SEMA3E: variants seen among roughly 807,000 people sequenced by gnomAD.
The protein encoded by SEMA3E is semaphorin 3E, also known as semaphorin-3E.
A neutral mutation model predicts 93.6 loss-of-function variants in SEMA3E; 49 were observed. That is an observed-to-expected ratio of 0.52 (90% CI 0.42 to 0.66). The LOEUF (loss-of-function observed/expected upper bound fraction) is 0.66. SEMA3E is among the 30% of genes least tolerant of loss of function. The pLI is 0.00. For missense variants in SEMA3E, 906 were observed against 964.8 expected (o/e 0.94, Z 0.81); for synonymous variants, 363 against 330.7 (o/e 1.10, Z -1.06).
In SEMA3E at chr7:83,483,986, G is replaced by C. The variant is rs376782054; in HGVS notation, c.276+6128C>G. On this transcript the variant is annotated intron_variant, in intron 2 of 16. Transcript: ENST00000643230. ...TTGGACTCATACATCACATGGCTCT[G>C]TACCACCCCCAATCTGACCCCACCT... Among the ~76,000 whole-genome samples the C allele has an allele frequency of 1.3e-4, 20 of 152,236 alleles. No homozygotes were observed. The South Asian group carries it at 4.1e-3, about 32-fold the overall frequency.
intron 1 of SEMA3E, among the ~76,000 whole-genome samples, chr7:83,607,988 G>A (rs531525137): frequency 9.9e-5 from 15 of 152,064 alleles, no homozygotes; most frequent in African/African-American, 2.9e-4. Flanking sequence ...AAGCCAAGGC[G>A]GGCAGATCAC....
chr7:83,390,554 G>A (rs1787998527), intron 14 of SEMA3E, among the ~76,000 whole-genome samples: 1 of 152,116 alleles, frequency 6.6e-6, no homozygotes, highest in Non-Finnish European at 1.5e-5. Flanking sequence ...GAGCAGAAAA[G>A]TATTTATTTT....
At chr7:83,399,102 T>G (rs1788185155) in intron 11 of SEMA3E, among the ~76,000 whole-genome samples, 2 of 152,326 alleles carry the variant, frequency 1.3e-5, no homozygotes, top group Middle Eastern at 3.4e-3. Context: ...TTGAGAATTA[T>G]ATATCTATAA....
At chr7:83,407,273 T>C (rs1788348640) in intron 6 of SEMA3E, 34 bp from the exon 7 acceptor site, 5 of 1,567,526 alleles carry the variant, frequency 3.2e-6, no homozygotes, top group Non-Finnish European at 4.4e-6. Context: ...AAAAGTGAAA[T>C]AGATATTACA....
chr7:83,615,792 G>A (rs1045395778), intron 1 of SEMA3E, among the ~76,000 whole-genome samples: 1 of 152,038 alleles, frequency 6.6e-6, no homozygotes, highest in Admixed American at 6.6e-5. Context: ...AGAAGCGTGG[G>A]GGAGTTACCT....
chr7:83,484,706 T>G (rs2115955826), intron 2 of SEMA3E, among the ~76,000 whole-genome samples: 1 of 152,342 alleles, frequency 6.6e-6, no homozygotes, highest in South Asian at 2.1e-4. Context: ...ATTTTCTTTA[T>G]AACATGTATC....
At chr7:83,447,695 C>T (rs1045718942) in intron 4 of SEMA3E, among the ~76,000 whole-genome samples, 5 of 152,172 alleles carry the variant, frequency 3.3e-5, no homozygotes, top group African/African-American at 9.7e-5. Flanking sequence ...ACATTGGAGG[C>T]ATATCTCTCC....
At position 83,364,303 on chromosome 7, in the gene SEMA3E, T is replaced by C. The variant is rs1794634478; in HGVS notation, c.*3283A>G. 1 of 152,204 alleles carries C rather than the reference T, an allele frequency of 6.6e-6. No homozygotes were observed. Among genetic ancestry groups the C allele is most frequent in the Non-Finnish European group, 1.5e-5 (1 of 68,034 alleles). 9.4% of individuals were successfully genotyped at this position (152,204 alleles called of 1,614,324 possible). On this transcript the variant is annotated 3_prime_UTR_variant, in exon 17 of 17. Transcript: ENST00000643230. Reference sequence around the variant, plus strand: ...ATTTTACAAATGTTTATAATTACTATGAAGATTTACAAAACCCTAAAACCT... The same window carrying C: ...ATTTTACAAATGTTTATAATTACTACGAAGATTTACAAAACCCTAAAACCT...
intron 4 of SEMA3E, among the ~76,000 whole-genome samples, chr7:83,437,996 G>A (rs551862548): frequency 9.2e-5 from 14 of 152,286 alleles, no homozygotes; most frequent in African/African-American, 3.1e-4. Context: ...TTGGCAATAT[G>A]TGCTAGAAAT....
chr7:83,469,484 G>A (rs981570945), intron 2 of SEMA3E, among the ~76,000 whole-genome samples, 182 bp from the exon 3 acceptor site: 6 of 149,374 alleles, frequency 4.0e-5, no homozygotes, highest in South Asian at 2.1e-4. Context: ...GAAACGTATC[G>A]CTGGGCTTTT....
At chr7:83,374,826 G>A (rs1794799076) in intron 16 of SEMA3E, among the ~76,000 whole-genome samples, 1 of 151,918 alleles carries the variant, frequency 6.6e-6, no homozygotes, top group African/African-American at 2.4e-5. Context: ...AGAAAAAGGA[G>A]GTCCAGGAAA....
chr7:83,546,527 G>A (rs1040048818), intron 1 of SEMA3E, among the ~76,000 whole-genome samples: 4 of 151,722 alleles, frequency 2.6e-5, no homozygotes, highest in Non-Finnish European at 4.4e-5. Context: ...CATTTCCTAC[G>A]TTAACAATTT....
chr7:83,442,475 T>G (rs1789134769), intron 4 of SEMA3E, among the ~76,000 whole-genome samples: 1 of 152,182 alleles, frequency 6.6e-6, no homozygotes, highest in Non-Finnish European at 1.5e-5. Flanking sequence ...TCTCACATAT[T>G]TAGCCAATGT....
At chr7:83,551,306 C>G (rs1339428606) in intron 1 of SEMA3E, among the ~76,000 whole-genome samples, 2 of 152,104 alleles carry the variant, frequency 1.3e-5, no homozygotes, top group African/African-American at 4.8e-5. Context: ...GGAAAAATAA[C>G]AAAATATAGC....
intron 1 of SEMA3E, among the ~76,000 whole-genome samples, chr7:83,625,298 T>G (rs1297225387): frequency 6.6e-6 from 1 of 152,224 alleles, no homozygotes; most frequent in Non-Finnish European, 1.5e-5. Context: ...GCATTGAATC[T>G]ACAAATTAAT....
intron 1 of SEMA3E, among the ~76,000 whole-genome samples, chr7:83,606,837 C>A (rs1378319708): frequency 6.6e-6 from 1 of 151,386 alleles, no homozygotes; most frequent in Non-Finnish European, 1.5e-5. Flanking sequence ...TTTCTACTTG[C>A]ATATTATATT....
chr7:83,599,058 G>A (rs1023919615), intron 1 of SEMA3E, among the ~76,000 whole-genome samples: 2 of 152,024 alleles, frequency 1.3e-5, no homozygotes, highest in Middle Eastern at 3.2e-3. Flanking sequence ...TTCAGAAAAT[G>A]CATATCAAAT....
intron 1 of SEMA3E, among the ~76,000 whole-genome samples, chr7:83,553,359 T>G (rs1383383343): frequency 6.6e-6 from 1 of 152,180 alleles, no homozygotes; most frequent in African/African-American, 2.4e-5. Context: ...TCTTTCCTCC[T>G]CTATGCACCC....
chr7:83,616,727 C>CTTTTTTTTTT, intron 1 of SEMA3E: 1 of 417,660 alleles, frequency 2.4e-6, no homozygotes, highest in Non-Finnish European at 4.8e-6. Context: ...TTCTTTCTTT[C>CTTTTTTTTTT]TTTTTTTTTT....
Sources: gnomAD v4.1 joint callset for allele counts (sites outside exome capture counted in the v4.1 genomes callset) on GRCh38, gnomAD v4.1.1 for gene constraint, MANE v1.5 for transcripts, NCBI Gene and HGNC (gene_info 2026-07-23, HGNC 2026-07-21) for gene names.